Variants in ADAMTS16 observed in about 807,000 individuals in gnomAD.
The protein encoded by ADAMTS16 is ADAM metallopeptidase with thrombospondin type 1 motif 16.
Under a neutral mutation model 145.8 loss-of-function variants are expected in ADAMTS16, and 94 were observed. The observed-to-expected ratio is 0.64, with a 90% confidence interval of 0.55 to 0.77. The LOEUF is 0.77. Ranked by LOEUF, ADAMTS16 falls within the 30% of genes least tolerant of loss-of-function variation. The probability of loss-of-function intolerance (pLI) is 0.00; values close to 1 mark genes in which losing one functional copy is unlikely to be tolerated. For missense variants in ADAMTS16, 1,585 were observed against 1,591.5 expected, an observed-to-expected ratio of 1.00 and a Z score of 0.07; for synonymous variants, 659 against 604.3, an observed-to-expected ratio of 1.09 and a Z score of -1.33.
At chr5:5,212,714 G>A (rs1364546956) in intron 10 of ADAMTS16, among the ~76,000 whole-genome samples, 1 of 151,972 alleles carries the variant, frequency 6.6e-6, no homozygotes, top group Non-Finnish European at 1.5e-5. Flanking sequence ...CTTTTGCCTA[G>A]TATTGCTTTT....
intron 3 of ADAMTS16, among the ~76,000 whole-genome samples, chr5:5,167,667 C>A (rs989234696): frequency 6.6e-6 from 1 of 152,154 alleles, no homozygotes; most frequent in Non-Finnish European, 1.5e-5. Flanking sequence ...ATATCGTAGC[C>A]ACTTCTCCTT....
intron 10 of ADAMTS16, among the ~76,000 whole-genome samples, chr5:5,221,686 T>C (rs1475058330): frequency 6.6e-6 from 1 of 152,208 alleles, no homozygotes; most frequent in Non-Finnish European, 1.5e-5. Context: ...AATAAGCACC[T>C]TAACTTCTAA....
At chr5:5,235,759 G>A (rs1037758842) in intron 13 of ADAMTS16, among the ~76,000 whole-genome samples, 13 of 152,148 alleles carry the variant, frequency 8.5e-5, no homozygotes, top group Admixed American at 5.2e-4. Flanking sequence ...AGCTCAAGTG[G>A]CATAATTAAG....
chr5:5,285,870 C>T (rs976031247), intron 18 of ADAMTS16, among the ~76,000 whole-genome samples: 3 of 152,178 alleles, frequency 2.0e-5, no homozygotes, highest in Admixed American at 6.6e-5. Context: ...GCCTTCACTT[C>T]TTCTTCTTCT....
chr5:5,143,549 A>T (rs544704245), intron 2 of ADAMTS16, among the ~76,000 whole-genome samples: 1 of 152,318 alleles, frequency 6.6e-6, no homozygotes, highest in East Asian at 1.9e-4. Context: ...AATTAGTTCA[A>T]CCATTGTGGA....
intron 20 of ADAMTS16, among the ~76,000 whole-genome samples, chr5:5,305,161 ACATATCCCACAC>A: frequency 6.3e-5 from 3 of 47,942 alleles, no homozygotes; most frequent in Non-Finnish European, 8.7e-5. Context: ...ACACACACAC[ACATATCCCACAC>A]CACACACACA....
At chr5:5,232,210 G>A (rs1196057744) in intron 11 of ADAMTS16, among the ~76,000 whole-genome samples, 158 bp from the exon 12 acceptor site, 2 of 147,184 alleles carry the variant, frequency 1.4e-5, no homozygotes, top group East Asian at 2.0e-4. Flanking sequence ...AACATTGAAT[G>A]TACTGTATTT....
chr5:5,287,258 T>C (rs776080884), intron 18 of ADAMTS16, among the ~76,000 whole-genome samples: 1 of 152,208 alleles, frequency 6.6e-6, no homozygotes, highest in Admixed American at 6.5e-5. Flanking sequence ...CCAGAAAAAC[T>C]GTCTGCAGCG....
rs11746278 is a variant in ADAMTS16 at position 5,269,260 on chromosome 5, T to G, written c.2789+6477T>G. Among the ~76,000 whole-genome samples the G allele has an allele frequency of 0.44, 66,262 of 151,704 alleles. 14,771 individuals are homozygous for G. Among genetic ancestry groups the G allele is most frequent in the Non-Finnish European group, 0.5 (33,765 of 67,904 alleles). ...CCCCTCACCAGCACCTGAGCTGCCT[T>G]GCTTCACCCTCGCTCCCCTATACTA... On this transcript the variant is annotated intron_variant, in intron 18 of 22. Coordinates refer to ENST00000274181, the MANE Select transcript of ADAMTS16 (RefSeq NM_139056.4). This position sits in a 1 kb window ranked among gnomAD's most constrained non-coding sequence, Gnocchi z 4.3.
chr5:5,155,052 AAG>A (rs1430566923), intron 3 of ADAMTS16, among the ~76,000 whole-genome samples: 3 of 152,178 alleles, frequency 2.0e-5, no homozygotes, highest in African/African-American at 4.8e-5. Context: ...AAGAGAGTAA[AAG>A]AGTCCAAATG....
intron 6 of ADAMTS16, among the ~76,000 whole-genome samples, chr5:5,188,330 TC>T (rs1273726936): frequency 6.6e-6 from 1 of 152,234 alleles, no homozygotes; most frequent in Non-Finnish European, 1.5e-5. Context: ...CAAGCGCATT[TC>T]CCTCACTGCA....
intron 3 of ADAMTS16, among the ~76,000 whole-genome samples, chr5:5,151,431 G>A (rs1734454460): frequency 6.6e-6 from 1 of 151,710 alleles, no homozygotes; most frequent in Admixed American, 6.6e-5. Flanking sequence ...GTAGAGATGG[G>A]GTTTCACCAT....
chr5:5,148,572 T>C (rs1362412059), intron 3 of ADAMTS16, among the ~76,000 whole-genome samples: 1 of 152,254 alleles, frequency 6.6e-6, no homozygotes, highest in African/African-American at 2.4e-5. Flanking sequence ...GGTTCTGAGA[T>C]TCTGCATTTG....
chr5:5,199,664 G>T (rs927382430), intron 8 of ADAMTS16, among the ~76,000 whole-genome samples: 5 of 152,268 alleles, frequency 3.3e-5, no homozygotes, highest in African/African-American at 1.2e-4. Context: ...CATCAAACTC[G>T]CCTGGGGAGT....
At chr5:5,258,123 G>A (rs150042146) in intron 17 of ADAMTS16, among the ~76,000 whole-genome samples, 88 of 152,250 alleles carry the variant, frequency 5.8e-4, no homozygotes, top group African/African-American at 1.5e-3. Context: ...TCTGAACTCC[G>A]TCATTAAAGA....
At chr5:5,246,340 C>T (rs1043848851) in intron 17 of ADAMTS16, among the ~76,000 whole-genome samples, 1 of 152,188 alleles carries the variant, frequency 6.6e-6, no homozygotes, top group African/African-American at 2.4e-5. Flanking sequence ...ATTTCTCAGA[C>T]AAATCTTAAA....
chr5:5,154,435 T>C (rs1039037193), intron 3 of ADAMTS16, among the ~76,000 whole-genome samples: 3 of 152,242 alleles, frequency 2.0e-5, no homozygotes, highest in African/African-American at 4.8e-5. Context: ...GAAATGAATA[T>C]ATTTCATTAG....
intron 18 of ADAMTS16, among the ~76,000 whole-genome samples, chr5:5,278,473 T>A (rs552217190): frequency 2.4e-4 from 36 of 152,352 alleles, no homozygotes; most frequent in South Asian, 6.2e-4. Context: ...TCACTCCTTA[T>A]TATTGTTGCT....
intron 4 of ADAMTS16, among the ~76,000 whole-genome samples, chr5:5,183,219 T>C (rs778043263): frequency 4.6e-5 from 7 of 152,138 alleles, no homozygotes; most frequent in Non-Finnish European, 7.4e-5. Context: ...CAGATGAACT[T>C]AGTGGGCTCA....
Sources: allele counts gnomAD v4.1 joint callset (sites outside exome capture counted in the v4.1 genomes callset), GRCh38; gene constraint gnomAD v4.1.1; non-coding constraint Gnocchi (gnomAD v3.1); transcripts MANE v1.5; gene names NCBI Gene and HGNC (gene_info 2026-07-23, HGNC 2026-07-21).